MICAL3: variants seen among roughly 807,000 people sequenced by gnomAD.
The protein encoded by MICAL3 is [F-actin]-monooxygenase MICAL3.
MICAL3 carries 62 observed loss-of-function variants against 207.4 expected under a neutral mutation model. That is an observed-to-expected ratio of 0.30 (90% CI 0.24 to 0.37). The LOEUF (loss-of-function observed/expected upper bound fraction) is 0.37, where lower values mean the gene tolerates loss of function less well. Ranked by LOEUF, MICAL3 falls within the 10% of genes least tolerant of loss-of-function variation. MICAL3 has a pLI of 1.00. For synonymous variants in MICAL3, 1,077 were observed against 1,069.3 expected, an observed-to-expected ratio of 1.01 and a Z score of -0.14; for missense variants, 2,368 against 2,635.6, an observed-to-expected ratio of 0.90 and a Z score of 2.22.
chr22:17,832,711 C>G lies in MICAL3; in HGVS notation c.2802-604G>C, dbSNP rs185051246. On this transcript the variant is annotated intron_variant, in intron 20 of 31. Coordinates refer to ENST00000441493, the MANE Select transcript of MICAL3 (RefSeq NM_015241.3). ...TCAATTCTGTGTGACTGCGGCCTGTCAGAAGCCTCTCAGGAGAGCTGTGGG... is the reference window on the plus strand; with the variant it reads ...TCAATTCTGTGTGACTGCGGCCTGTGAGAAGCCTCTCAGGAGAGCTGTGGG... 2.1e-3 allele frequency among the ~76,000 whole-genome samples: 315 copies of G among 152,140 alleles called. 3 individuals are homozygous for G. The highest frequency in any genetic ancestry group is 6.9e-3 in the African/African-American group (288 of 41,488).
chr22:17,947,219 C>T (rs1457703931), intron 1 of MICAL3, among the ~76,000 whole-genome samples: 1 of 152,182 alleles, frequency 6.6e-6, no homozygotes, highest in Non-Finnish European at 1.5e-5. Flanking sequence ...GCAGCCTGGG[C>T]CCTGCCAGCA....
Position 17,821,452 on chromosome 22 carries a change from A to C in MICAL3, c.3506T>G (p.Ile1169Ser). The C allele has an allele frequency of 2.6e-6, 4 of 1,545,934 alleles. No homozygotes were observed. The highest frequency in any genetic ancestry group is 3.5e-6 in the Non-Finnish European group (4 of 1,145,604). Residue 1169 changes from isoleucine to serine, a missense_variant, in exon 25 of 32, where the codon ATT becomes AGT. Physicochemically the swap from Ile to Ser is moderately radical, Grantham distance 142 (BLOSUM62 -2). Transcript: ENST00000441493. ...CTCTGTTGAGGGGCTGTGGACTGGA[A>C]TGAACAGAAGAGCTGATTCCTGGGG... The part of the protein sequence containing the change: ...RSPQESALLF[I>S]PVHSPSTEGP...
rs997436772 is a variant in MICAL3 at position 17,860,517 on chromosome 22, C to T, written c.2605+4382G>A. The stretch of plus-strand genomic sequence containing the variant: ...AAAGTGAACCCCTTGGTGCCCTGCT[C>T]GGACCTTAAAGGCTATGGTGGAACT... On this transcript the variant is annotated intron_variant, in intron 19 of 31. Coordinates refer to ENST00000441493, the MANE Select transcript of MICAL3 (RefSeq NM_015241.3). The T allele has an allele frequency of 1.3e-5, 13 of 985,292 alleles. No individual in the cohort carries two copies. In the South Asian group the frequency reaches 2.8e-4, roughly 21 times the overall value. 61.0% of individuals were successfully genotyped at this position (985,292 alleles called of 1,614,324 possible).
chr22:17,996,300 C>T (rs530780569), intron 1 of MICAL3, among the ~76,000 whole-genome samples: 4 of 151,866 alleles, frequency 2.6e-5, no homozygotes, highest in Admixed American at 2.6e-4. Context: ...GAAAATTAGC[C>T]GGGCATGGTG....
intron 16 of MICAL3, chr22:17,876,820 GGGAGGTTATGGAGGTTAGGGAGGTT>G (rs1928492965): frequency 3.7e-5 from 2 of 54,730 alleles, no homozygotes; most frequent in Non-Finnish European, 7.5e-5. Flanking sequence ...AGGGAGGTTA[GGGAGGTTATGGAGGTTAGGGAGGTT>G]AGGGAGGTTA....
intron 8 of MICAL3, 100 bp downstream of exon 8, chr22:17,896,624 G>A (rs1163675802): frequency 1.6e-6 from 2 of 1,276,044 alleles, no homozygotes; most frequent in Non-Finnish European, 2.2e-6. Context: ...TACCTGTGCT[G>A]TACAACACTG....
At chr22:18,020,919 A>AATAT (rs1447641539) in intron 1 of MICAL3, among the ~76,000 whole-genome samples, 6 of 44,444 alleles carry the variant, frequency 1.4e-4, no homozygotes, top group East Asian at 2.0e-3. Flanking sequence ...GTCTCAAATA[A>AATAT]ATAAATAAAT....
At chr22:17,865,086 TTTATTTATTTA>T in intron 18 of MICAL3, 100 bp from the exon 19 acceptor site, 1 of 191,572 alleles carries the variant, frequency 5.2e-6, no homozygotes, top group Non-Finnish European at 6.6e-6. Context: ...GGTTTTAAAT[TTTATTTATTTA>T]TTTATTTATT....
At chr22:17,960,007 AC>A (rs1934823941) in intron 1 of MICAL3, among the ~76,000 whole-genome samples, 1 of 152,218 alleles carries the variant, frequency 6.6e-6, no homozygotes, top group African/African-American at 2.4e-5. Flanking sequence ...AGAGCACTTA[AC>A]GTCTGTGGAT....
intron 20 of MICAL3, chr22:17,834,312 A>G: frequency 1.7e-6 from 2 of 1,168,584 alleles, no homozygotes; most frequent in Non-Finnish European, 2.1e-6. Context: ...AGCTCAGGGT[A>G]GTGAATCAGC....
At chr22:17,985,733 A>G (rs142267310) in intron 1 of MICAL3, among the ~76,000 whole-genome samples, 2 of 152,270 alleles carry the variant, frequency 1.3e-5, no homozygotes, top group African/African-American at 4.8e-5. Flanking sequence ...GTGCAGCAGC[A>G]GAATCGAGGC....
intron 19 of MICAL3, chr22:17,864,515 G>A: frequency 7.0e-7 from 1 of 1,433,398 alleles, no homozygotes; most frequent in Non-Finnish European, 9.1e-7. Context: ...CCTCACCAGG[G>A]CGGGTGATGG....
In MICAL3 at chr22:17,860,460, C is replaced by T. The variant is rs978486130; in HGVS notation, c.2605+4439G>A. The T allele has an allele frequency of 1.3e-5, 13 of 985,482 alleles. No homozygotes were observed. The East Asian group carries it at 4.5e-4, about 34-fold the overall frequency. The allele number at this position is 985,482 out of a possible 1,614,324, so 61.0% of individuals were successfully genotyped here. A position where few individuals can be genotyped will look rare whatever the true frequency, so the allele number is the denominator to read the frequency against. ...AAGCCGGCTGGCTGTCCGCCCCTCCCGCAGGCACCCCAAGCTGAATGGCTC... is the reference window on the plus strand; with the variant it reads ...AAGCCGGCTGGCTGTCCGCCCCTCCTGCAGGCACCCCAAGCTGAATGGCTC... On this transcript the variant is annotated intron_variant, in intron 19 of 31. Coordinates refer to ENST00000441493, the MANE Select transcript of MICAL3 (RefSeq NM_015241.3).
chr22:17,936,198 T>C (rs568483063), intron 1 of MICAL3, among the ~76,000 whole-genome samples: 1 of 152,306 alleles, frequency 6.6e-6, no homozygotes, highest in Non-Finnish European at 1.5e-5. Context: ...AATTATAGAC[T>C]GGATTAAGAA....
At chr22:17,899,116 T>C (rs186813483) in intron 7 of MICAL3, among the ~76,000 whole-genome samples, 1 of 152,356 alleles carries the variant, frequency 6.6e-6, no homozygotes, top group East Asian at 1.9e-4. Flanking sequence ...TGAAATGCTG[T>C]CTGAAACCTG....
At chr22:18,016,859 G>A (rs936174764) in intron 1 of MICAL3, among the ~76,000 whole-genome samples, 1 of 151,818 alleles carries the variant, frequency 6.6e-6, no homozygotes, top group African/African-American at 2.4e-5. Context: ...AGAATGGCGT[G>A]AACCCGGGAG....
Position 17,968,934 on chromosome 22 carries a change from T to A in MICAL3, c.-75+55347A>T, listed in dbSNP as rs182148335. Among the ~76,000 whole-genome samples the A allele has an allele frequency of 6.6e-5, 10 of 152,254 alleles. No individual in the cohort carries two copies. The East Asian group carries it at 1.9e-3, about 29-fold the overall frequency. On this transcript the variant is annotated intron_variant, in intron 1 of 31. Transcript: ENST00000441493. ...TGGGTAAATTAACCAATGCAAAAAA[T>A]GGTCAGTTTTTAAAGACTTTATAAA...
intron 29 of MICAL3, among the ~76,000 whole-genome samples, chr22:17,806,689 T>C (rs1434206131): frequency 6.6e-6 from 1 of 152,250 alleles, no homozygotes; most frequent in Non-Finnish European, 1.5e-5. Flanking sequence ...CTGTGTTAAT[T>C]ATTAACATTT....
At chr22:17,869,321 A>G (rs1927485998) in intron 17 of MICAL3, among the ~76,000 whole-genome samples, 1 of 152,110 alleles carries the variant, frequency 6.6e-6, no homozygotes, top group Admixed American at 6.5e-5. Flanking sequence ...GGGGTGTAAC[A>G]GAGGCAAGGA....
Sources: gnomAD v4.1 joint callset for allele counts (sites outside exome capture counted in the v4.1 genomes callset) on GRCh38, gnomAD v4.1.1 for gene constraint, MANE v1.5 for transcripts, NCBI Gene and HGNC (gene_info 2026-07-23, HGNC 2026-07-21) for gene names.